Variants in INPP4B observed in about 807,000 individuals in gnomAD.
INPP4B encodes inositol polyphosphate 4-phosphatase type II.
Under a neutral mutation model 122.5 loss-of-function variants are expected in INPP4B, and 55 were observed. That is an observed-to-expected ratio of 0.45 (90% confidence interval 0.36 to 0.56). The LOEUF (loss-of-function observed/expected upper bound fraction) is 0.56, where lower values mean the gene tolerates loss of function less well. Among genes scored for constraint, INPP4B ranks in the 20% least tolerant of loss-of-function variants. The probability of loss-of-function intolerance (pLI) is 0.00; values close to 1 mark genes in which losing one functional copy is unlikely to be tolerated. For synonymous variants in INPP4B, 403 were observed against 388.7 expected, an observed-to-expected ratio of 1.04 and a Z score of -0.43; for missense variants, 1,000 against 1,097.7, an observed-to-expected ratio of 0.91 and a Z score of 1.26.
chr4:142,481,674 T>C (rs1820567281), intron 2 of INPP4B, among the ~76,000 whole-genome samples: 1 of 152,082 alleles, frequency 6.6e-6, no homozygotes, highest in African/African-American at 2.4e-5. Flanking sequence ...TAATTTGGGA[T>C]AAAAAATAAA....
chr4:142,706,497 T>A (rs1367329939), intron 2 of INPP4B, among the ~76,000 whole-genome samples: 1 of 152,238 alleles, frequency 6.6e-6, no homozygotes, highest in Non-Finnish European at 1.5e-5. Context: ...GGGTATGTAT[T>A]TGCTTATCCA....
intron 7 of INPP4B, among the ~76,000 whole-genome samples, chr4:142,369,587 A>AAAAAAAAT (rs1554043877): frequency 1.4e-5 from 2 of 142,456 alleles, no homozygotes; most frequent in East Asian, 2.0e-4. Context: ...GAAAATTAAA[A>AAAAAAAAT]AAATAAATAA....
chr4:142,775,193 G>T (rs1167155578), intron 1 of INPP4B, among the ~76,000 whole-genome samples: 1 of 152,002 alleles, frequency 6.6e-6, no homozygotes, highest in Admixed American at 6.6e-5. Flanking sequence ...TGGTGACCTT[G>T]ATCATTCAGT....
intron 7 of INPP4B, among the ~76,000 whole-genome samples, chr4:142,398,422 ATATATATATATATATATATATAT>A (rs1226782744): frequency 9.4e-6 from 1 of 106,406 alleles, no homozygotes; most frequent in Non-Finnish European, 1.9e-5. Flanking sequence ...ATATATATAT[ATATATATATATATATATATATAT>A]AAAACATATT....
chr4:142,538,884 A>G (rs1055640262), intron 2 of INPP4B, among the ~76,000 whole-genome samples: 2 of 151,936 alleles, frequency 1.3e-5, no homozygotes, highest in African/African-American at 4.8e-5. Context: ...TAAAAAAGAG[A>G]GAATCCATTT....
At chr4:142,252,588 CTA>C (rs1339388724) in intron 11 of INPP4B, among the ~76,000 whole-genome samples, 1 of 152,110 alleles carries the variant, frequency 6.6e-6, no homozygotes, top group Non-Finnish European at 1.5e-5. Context: ...TTTAACAGTA[CTA>C]TATGTCTCAA....
At chr4:142,629,898 A>G (rs980586911) in intron 2 of INPP4B, among the ~76,000 whole-genome samples, 4 of 152,082 alleles carry the variant, frequency 2.6e-5, no homozygotes, top group African/African-American at 9.7e-5. Flanking sequence ...GACCAGAGCA[A>G]TGTGTCCAAG....
At chr4:142,435,751 T>G (rs1432816075) in intron 3 of INPP4B, among the ~76,000 whole-genome samples, 3 of 152,194 alleles carry the variant, frequency 2.0e-5, no homozygotes, top group African/African-American at 7.2e-5. Flanking sequence ...GGAAACTTGC[T>G]TTTTCCAAGG....
chr4:142,515,114 T>C (rs920875057), intron 2 of INPP4B, among the ~76,000 whole-genome samples: 2 of 152,122 alleles, frequency 1.3e-5, no homozygotes, highest in Admixed American at 1.3e-4. Flanking sequence ...GTTTTAAATA[T>C]TGTATGTATA....
At chr4:142,331,890 AG>A (rs1454771522) in intron 7 of INPP4B, among the ~76,000 whole-genome samples, 1 of 137,056 alleles carries the variant, frequency 7.3e-6, no homozygotes, top group Admixed American at 7.5e-5. Context: ...GTACTCTTAC[AG>A]AATGTACCAC....
chr4:142,563,020 G>C (rs1730803402), intron 2 of INPP4B, among the ~76,000 whole-genome samples: 1 of 152,164 alleles, frequency 6.6e-6, no homozygotes, highest in African/African-American at 2.4e-5. Flanking sequence ...GAGGCCAAGG[G>C]ACATGCCCCT....
chr4:142,805,486 C>G (rs987234845), intron 1 of INPP4B, among the ~76,000 whole-genome samples: 2 of 152,144 alleles, frequency 1.3e-5, no homozygotes, highest in Admixed American at 6.5e-5. Flanking sequence ...ATATAAATTA[C>G]AGTTGGCCCT....
chr4:142,412,513 T>C (rs1447683449), intron 5 of INPP4B, among the ~76,000 whole-genome samples: 8 of 152,164 alleles, frequency 5.3e-5, no homozygotes, highest in Non-Finnish European at 8.8e-5. Context: ...AATGACAGAA[T>C]GTACAGTGTC....
chr4:142,387,621 G>C (rs1299246433), intron 7 of INPP4B, among the ~76,000 whole-genome samples: 1 of 152,138 alleles, frequency 6.6e-6, no homozygotes, highest in Non-Finnish European at 1.5e-5. Flanking sequence ...CAACAAAAGG[G>C]TAAAAGTTCT....
chr4:142,671,147 G>A (rs946153439), intron 2 of INPP4B, among the ~76,000 whole-genome samples: 3 of 151,982 alleles, frequency 2.0e-5, no homozygotes, highest in South Asian at 2.1e-4. Flanking sequence ...AGTTTTGGGC[G>A]GTTGCAGGCT....
chr4:142,825,543 T>C (rs1326876226), intron 1 of INPP4B, among the ~76,000 whole-genome samples: 1 of 152,104 alleles, frequency 6.6e-6, no homozygotes, highest in Non-Finnish European at 1.5e-5. Context: ...CCAAGAAGCT[T>C]ATAATCTAGT....
chr4:142,782,142 C>A (rs192206589), intron 1 of INPP4B, among the ~76,000 whole-genome samples: 3,046 of 151,984 alleles, frequency 0.02, 96 homozygotes, highest in African/African-American at 0.068. Context: ...CTTCCCACAC[C>A]CCACAACAGT....
intron 23 of INPP4B, among the ~76,000 whole-genome samples, chr4:142,090,417 A>G (rs1259548830): frequency 2.6e-5 from 4 of 151,242 alleles, no homozygotes; most frequent in East Asian, 2.0e-4. Flanking sequence ...TTTCAACCCA[A>G]TAAAAATTCT....
At chr4:142,043,955 CAATAGTAAAGGCAAGA>C (rs1749767525) in intron 25 of INPP4B, among the ~76,000 whole-genome samples, 1 of 151,554 alleles carries the variant, frequency 6.6e-6, no homozygotes, top group Admixed American at 6.6e-5. Flanking sequence ...TAGGCTACTA[CAATAGTAAAGGCAAGA>C]AATAGTGAGA....
Sources: allele counts gnomAD v4.1 joint callset (sites outside exome capture counted in the v4.1 genomes callset), GRCh38; gene constraint gnomAD v4.1.1; transcripts MANE v1.5; gene names NCBI Gene and HGNC (gene_info 2026-07-23, HGNC 2026-07-21).